Variants in ENOX1 observed in about 807,000 individuals in gnomAD.
ENOX1 encodes the protein ecto-NOX disulfide-thiol exchanger 1.
ENOX1 carries 42 observed loss-of-function variants against 82.5 expected under a neutral mutation model. The observed-to-expected ratio is 0.51, with a 90% confidence interval of 0.40 to 0.66. The LOEUF is 0.66. Among genes scored for constraint, ENOX1 ranks in the 30% least tolerant of loss-of-function variants. ENOX1 has a pLI of 0.00. For synonymous variants in ENOX1, 271 were observed against 282.2 expected, an observed-to-expected ratio of 0.96 and a Z score of 0.40; for missense variants, 608 against 811.6, an observed-to-expected ratio of 0.75 and a Z score of 3.05.
At chr13:43,723,505 G>A (rs924836265) in intron 1 of ENOX1, among the ~76,000 whole-genome samples, 2 of 152,090 alleles carry the variant, frequency 1.3e-5, no homozygotes, top group East Asian at 1.9e-4. Context: ...GAAGACAGCC[G>A]ACTCTATCCG....
rs138219668 is a variant in ENOX1 at position 43,655,224 on chromosome 13, T to C, written c.-219+12255A>G. On this transcript the variant is annotated intron_variant, in intron 2 of 16. Transcript: ENST00000690772. The stretch of plus-strand genomic sequence containing the variant: ...GCACATCCAAAAGAGAAATGATTGG[T>C]TTAGCAAAGTTCTATGTTTCGCAAA... 2.6e-3 allele frequency among the ~76,000 whole-genome samples: 393 copies of C among 152,346 alleles called. 2 individuals carry two copies. Among genetic ancestry groups the C allele is most frequent in the Non-Finnish European group, 4.1e-3 (278 of 68,034 alleles).
At chr13:43,394,653 T>G (rs1305701528) in intron 5 of ENOX1, 1 of 152,316 alleles carries the variant, frequency 6.6e-6, no homozygotes, top group Non-Finnish European at 1.5e-5. Context: ...TCATGGGAGA[T>G]GTGATCTGAG....
At chr13:43,274,050 C>A (rs1459294649) in intron 12 of ENOX1, among the ~76,000 whole-genome samples, 1 of 152,018 alleles carries the variant, frequency 6.6e-6, no homozygotes, top group Admixed American at 6.6e-5. Flanking sequence ...AAAAACAACC[C>A]CCCAAAACAC....
intron 3 of ENOX1, among the ~76,000 whole-genome samples, chr13:43,432,789 C>T (rs750689706): frequency 2.6e-5 from 4 of 152,108 alleles, no homozygotes; most frequent in Admixed American, 6.6e-5. Context: ...TTTCTACTTT[C>T]GCCCTTTAAG....
chr13:43,771,170 A>G (rs1951573049), intron 1 of ENOX1, among the ~76,000 whole-genome samples: 2 of 152,216 alleles, frequency 1.3e-5, no homozygotes, highest in African/African-American at 4.8e-5. Flanking sequence ...TATCCCAAAA[A>G]GAGAGAATCC....
At chr13:43,714,980 T>C (rs981453012) in intron 1 of ENOX1, among the ~76,000 whole-genome samples, 2 of 152,230 alleles carry the variant, frequency 1.3e-5, no homozygotes, top group South Asian at 2.1e-4. Flanking sequence ...TTTTGCTCGT[T>C]AGTTGATGCA....
intron 11 of ENOX1, among the ~76,000 whole-genome samples, chr13:43,309,422 C>G (rs969319098): frequency 6.6e-6 from 1 of 152,168 alleles, no homozygotes; most frequent in Non-Finnish European, 1.5e-5. Flanking sequence ...CATTCTAACA[C>G]TCTTACCACC....
chr13:43,694,064 C>T (rs1353002541), intron 1 of ENOX1, among the ~76,000 whole-genome samples: 3 of 151,886 alleles, frequency 2.0e-5, no homozygotes, highest in Non-Finnish European at 2.9e-5. Flanking sequence ...AAATTGTCAC[C>T]CCATGGATAT....
intron 3 of ENOX1, among the ~76,000 whole-genome samples, chr13:43,435,644 C>G (rs571533224): frequency 6.6e-6 from 1 of 152,308 alleles, no homozygotes; most frequent in East Asian, 1.9e-4. Flanking sequence ...ACACAAAATA[C>G]TTACATGCTG....
intron 12 of ENOX1, among the ~76,000 whole-genome samples, chr13:43,293,999 C>T: frequency 6.6e-6 from 1 of 151,818 alleles, no homozygotes; most frequent in East Asian, 1.9e-4. Context: ...TCATAATCAT[C>T]CTACTTTTCC....
chr13:43,669,574 CT>C (rs11298739), intron 1 of ENOX1, among the ~76,000 whole-genome samples: 39,459 of 151,936 alleles, frequency 0.26, 7,916 homozygotes, highest in African/African-American at 0.56. Flanking sequence ...AACCAAACAT[CT>C]TTTTTTCCCT....
intron 5 of ENOX1, among the ~76,000 whole-genome samples, chr13:43,405,363 C>A (rs542477217): frequency 6.6e-6 from 1 of 152,086 alleles, no homozygotes; most frequent in Non-Finnish European, 1.5e-5. Flanking sequence ...GTCCCCAGGG[C>A]GTCAACAACC....
At chr13:43,440,376 C>T (rs1240608036) in intron 3 of ENOX1, among the ~76,000 whole-genome samples, 1 of 152,156 alleles carries the variant, frequency 6.6e-6, no homozygotes, top group African/African-American at 2.4e-5. Flanking sequence ...TGTTAAAAAT[C>T]TCTGTATTAA....
At chr13:43,292,215 A>G (rs2046037333) in intron 12 of ENOX1, among the ~76,000 whole-genome samples, 1 of 152,182 alleles carries the variant, frequency 6.6e-6, no homozygotes, top group African/African-American at 2.4e-5. Context: ...AAGATACTGC[A>G]CCCATAAAAT....
chr13:43,305,988 C>T (rs1447778866), intron 11 of ENOX1, among the ~76,000 whole-genome samples: 1 of 152,188 alleles, frequency 6.6e-6, no homozygotes, highest in Non-Finnish European at 1.5e-5. Flanking sequence ...GCTCCCAGCC[C>T]AGCCGCAGGA....
chr13:43,234,122 A>G (rs913056541), intron 15 of ENOX1, among the ~76,000 whole-genome samples: 2 of 152,318 alleles, frequency 1.3e-5, no homozygotes, highest in Admixed American at 6.5e-5. Context: ...AGATTCAGGT[A>G]TCTACAAAGT....
intron 2 of ENOX1, among the ~76,000 whole-genome samples, chr13:43,595,785 T>C (rs1322584293): frequency 6.6e-6 from 1 of 152,246 alleles, no homozygotes; most frequent in African/African-American, 2.4e-5. Context: ...CTAAGGTTTT[T>C]CTTAAAGCAA....
chr13:43,582,455 T>A (rs961574001), intron 2 of ENOX1, among the ~76,000 whole-genome samples: 1 of 152,178 alleles, frequency 6.6e-6, no homozygotes, highest in African/African-American at 2.4e-5. Context: ...ATAAATAAAT[T>A]GAGAAGCTGG....
chr13:43,319,626 T>C (rs181362045), intron 11 of ENOX1, among the ~76,000 whole-genome samples: 6 of 152,238 alleles, frequency 3.9e-5, no homozygotes, highest in African/African-American at 1.4e-4. Context: ...CAAGCAAAGC[T>C]GGCCCTGGGG....
Sources: allele counts gnomAD v4.1 joint callset (sites outside exome capture counted in the v4.1 genomes callset), GRCh38; gene constraint gnomAD v4.1.1; transcripts MANE v1.5; gene names NCBI Gene and HGNC (gene_info 2026-07-23, HGNC 2026-07-21).